The following MGAT4A variants were observed in gnomAD, a reference collection of about 807,000 sequenced individuals.
MGAT4A encodes alpha-1,3-mannosyl-glycoprotein 4-beta-N-acetylglucosaminyltransferase A.
Under a neutral mutation model 74.1 loss-of-function variants are expected in MGAT4A, and 33 were observed. The observed-to-expected ratio is 0.45, with a 90% CI of 0.34 to 0.60. The LOEUF (loss-of-function observed/expected upper bound fraction) is 0.60, where lower values mean the gene tolerates loss of function less well. Among genes scored for constraint, MGAT4A ranks in the 20% least tolerant of loss-of-function variants. MGAT4A has a pLI of 0.02. For missense variants in MGAT4A, 479 were observed against 628.3 expected, an observed-to-expected ratio of 0.76 and a Z score of 2.54; for synonymous variants, 198 against 210.4, an observed-to-expected ratio of 0.94 and a Z score of 0.51.
chr2:98,675,329 A>C (rs901110391), intron 3 of MGAT4A, among the ~76,000 whole-genome samples, 154 bp from the exon 4 acceptor site: 2 of 152,192 alleles, frequency 1.3e-5, no homozygotes, highest in Non-Finnish European at 2.9e-5. Flanking sequence ...TTAAGATGAA[A>C]AGGACACTTT....
At chr2:98,702,292 G>C (rs1575275743) in intron 2 of MGAT4A, among the ~76,000 whole-genome samples, 1 of 152,202 alleles carries the variant, frequency 6.6e-6, no homozygotes, top group South Asian at 2.1e-4. Context: ...TTGCAGTGTT[G>C]TCAGTGAGAG....
intron 2 of MGAT4A, among the ~76,000 whole-genome samples, chr2:98,705,904 T>TGCAGTCC (rs1484305820): frequency 7.2e-6 from 1 of 139,382 alleles, no homozygotes; most frequent in Non-Finnish European, 1.5e-5. Context: ...ATTGCGCCAC[T>TGCAGTCC]GCAGTCCGCA....
chr2:98,660,428 A>ACACACACG (rs1050577143), intron 5 of MGAT4A, among the ~76,000 whole-genome samples: 1 of 42,578 alleles, frequency 2.3e-5, no homozygotes, highest in Non-Finnish European at 4.1e-5. Context: ...GCACACACAC[A>ACACACACG]CACACACACA....
intron 2 of MGAT4A, among the ~76,000 whole-genome samples, chr2:98,686,538 T>C (rs74936158): frequency 6.6e-6 from 1 of 151,856 alleles, no homozygotes; most frequent in Non-Finnish European, 1.5e-5. Context: ...GGTTTTTTTT[T>C]GGTTTTTTGG....
intron 2 of MGAT4A, chr2:98,695,464 C>T (rs988099269): frequency 6.0e-5 from 12 of 199,866 alleles, no homozygotes; most frequent in South Asian, 3.3e-4. Context: ...AGGAAAAGAA[C>T]GCAATGCAGC....
chr2:98,632,035 G>A (rs1286345325), intron 14 of MGAT4A, among the ~76,000 whole-genome samples: 3 of 152,024 alleles, frequency 2.0e-5, no homozygotes, highest in African/African-American at 4.8e-5. Context: ...ACTTGAACCC[G>A]GGAGGCGGCG....
At chr2:98,664,851 G>A (rs1331554629) in intron 4 of MGAT4A, among the ~76,000 whole-genome samples, 1 of 152,046 alleles carries the variant, frequency 6.6e-6, no homozygotes, top group Non-Finnish European at 1.5e-5. Flanking sequence ...ATACCACAGT[G>A]ATTTTTAGGA....
chr2:98,678,251 T>A (rs866859906), intron 3 of MGAT4A, 53 bp downstream of exon 3: 6,261 of 209,040 alleles, frequency 0.03, 61 homozygotes, highest in Middle Eastern at 0.043. Flanking sequence ...AAAAAAAAAA[T>A]ATATATATAT....
At chr2:98,700,202 C>T (rs1202026514) in intron 2 of MGAT4A, among the ~76,000 whole-genome samples, 1 of 152,038 alleles carries the variant, frequency 6.6e-6, no homozygotes, top group Non-Finnish European at 1.5e-5. Flanking sequence ...CTCCAAAGGA[C>T]CACTCCCAGG....
chr2:98,730,578 A>G lies in MGAT4A; in HGVS notation c.-236+470T>C, dbSNP rs1368504305. On this transcript the variant is annotated intron_variant, in intron 1 of 15. Transcript: ENST00000393487. Reference sequence around the variant, plus strand: ...CCCCGCGGCCCCCGCGAAAGCGCCGACTCCCGCGCAGCCCCCGGGTCCCAC... The same window carrying G: ...CCCCGCGGCCCCCGCGAAAGCGCCGGCTCCCGCGCAGCCCCCGGGTCCCAC... Among the ~76,000 whole-genome samples the G allele has an allele frequency of 6.2e-4, 84 of 135,764 alleles. 1 individual carries two copies. Among genetic ancestry groups the G allele is most frequent in the African/African-American group, 2.2e-3 (81 of 36,034 alleles). 89.1% of individuals were successfully genotyped at this position (135,764 alleles called of 152,430 possible). A position where few individuals can be genotyped will look rare whatever the true frequency, so the allele number is the denominator to read the frequency against.
chr2:98,721,471 G>A (rs1461449901), intron 2 of MGAT4A, among the ~76,000 whole-genome samples: 1 of 152,070 alleles, frequency 6.6e-6, no homozygotes. Flanking sequence ...TATAACGTGT[G>A]GAAATATATC....
At chr2:98,664,488 A>G (rs1323334279) in intron 4 of MGAT4A, among the ~76,000 whole-genome samples, 1 of 152,202 alleles carries the variant, frequency 6.6e-6, no homozygotes, top group Non-Finnish European at 1.5e-5. Context: ...GAAATACTGC[A>G]TACAAAATGC....
At chr2:98,645,211 C>T (rs1321935087) in intron 9 of MGAT4A, among the ~76,000 whole-genome samples, 2 of 152,164 alleles carry the variant, frequency 1.3e-5, no homozygotes, top group African/African-American at 2.4e-5. Flanking sequence ...TTGTGAAGAA[C>T]GCTACAGTAA....
chr2:98,661,913 T>C (rs1009621689), intron 5 of MGAT4A, among the ~76,000 whole-genome samples: 7 of 124,066 alleles, frequency 5.6e-5, no homozygotes, highest in Non-Finnish European at 9.6e-5. Context: ...CAAAAATGCA[T>C]AGTCAAAATA....
intron 2 of MGAT4A, among the ~76,000 whole-genome samples, chr2:98,685,250 A>G (rs1702113106): frequency 1.3e-5 from 2 of 151,952 alleles, no homozygotes; most frequent in Non-Finnish European, 2.9e-5. Context: ...AAAAAAAAAA[A>G]AAAAAAAGTA....
At chr2:98,690,358 A>G (rs1702178811) in intron 2 of MGAT4A, among the ~76,000 whole-genome samples, 2 of 152,154 alleles carry the variant, frequency 1.3e-5, no homozygotes, top group African/African-American at 4.8e-5. Context: ...CTCCCCTCTT[A>G]GCAAGTGTGG....
intron 4 of MGAT4A, 69 bp downstream of exon 4, chr2:98,674,966 T>G: frequency 6.6e-7 from 1 of 1,514,168 alleles, no homozygotes; most frequent in Non-Finnish European, 9.0e-7. Context: ...CTTCTGATGG[T>G]CAACATAATA....
chr2:98,691,957 A>G, intron 2 of MGAT4A, among the ~76,000 whole-genome samples: 1 of 152,228 alleles, frequency 6.6e-6, no homozygotes, highest in East Asian at 1.9e-4. Context: ...TTTTAAATAG[A>G]AAAAGCTTAT....
chr2:98,713,277 G>A (rs1000498120), intron 2 of MGAT4A, among the ~76,000 whole-genome samples: 12 of 143,386 alleles, frequency 8.4e-5, no homozygotes, highest in Non-Finnish European at 1.8e-4. Context: ...AGCAAAAAAA[G>A]ATACAGAATC....
Sources: allele counts gnomAD v4.1 joint callset (sites outside exome capture counted in the v4.1 genomes callset), GRCh38; gene constraint gnomAD v4.1.1; transcripts MANE v1.5; gene names NCBI Gene and HGNC (gene_info 2026-07-23, HGNC 2026-07-21).